Variants in KCNQ5 observed in about 807,000 individuals in gnomAD.
The protein encoded by KCNQ5 is potassium voltage-gated channel subfamily Q member 5.
Under a neutral mutation model 98.2 loss-of-function variants are expected in KCNQ5, and 30 were observed. That is an observed-to-expected ratio of 0.31 (90% CI 0.23 to 0.41). KCNQ5 has a LOEUF of 0.41. KCNQ5 is among the 10% of genes least tolerant of loss of function. The pLI is 1.00. For synonymous variants in KCNQ5, 458 were observed against 449.4 expected (o/e 1.02, Z -0.24); for missense variants, 835 against 1,182.5 (o/e 0.71, Z 4.31).
chr6:72,775,851 G>A (rs1187616885), intron 1 of KCNQ5, among the ~76,000 whole-genome samples: 3 of 152,146 alleles, frequency 2.0e-5, no homozygotes, highest in African/African-American at 7.2e-5. Context: ...AGGAAAGCCT[G>A]AGAACTTGTC....
intron 1 of KCNQ5, among the ~76,000 whole-genome samples, chr6:72,877,167 T>C (rs1778438264): frequency 6.6e-6 from 1 of 152,158 alleles, no homozygotes; most frequent in South Asian, 2.1e-4. Flanking sequence ...ATCTAGGTTT[T>C]AAGCCCCGCA....
intron 3 of KCNQ5, among the ~76,000 whole-genome samples, chr6:73,045,119 T>A (rs1771902977): frequency 6.6e-6 from 1 of 152,158 alleles, no homozygotes; most frequent in South Asian, 2.1e-4. Flanking sequence ...TACTGAAGGT[T>A]TTAGCATGTC....
chr6:73,147,092 C>A (rs140500018), intron 10 of KCNQ5, among the ~76,000 whole-genome samples: 15 of 152,148 alleles, frequency 9.9e-5, no homozygotes, highest in Non-Finnish European at 1.6e-4. Flanking sequence ...CTAGTTCCCC[C>A]ACTAGGTTGG....
At chr6:72,943,893 A>G (rs1766421822) in intron 1 of KCNQ5, among the ~76,000 whole-genome samples, 2 of 152,252 alleles carry the variant, frequency 1.3e-5, no homozygotes, top group Admixed American at 1.3e-4. Flanking sequence ...GTACTCTTCT[A>G]GGATTTAACC....
intron 1 of KCNQ5, among the ~76,000 whole-genome samples, chr6:72,867,970 C>CTAATAA (rs1210863226): frequency 4.5e-4 from 66 of 146,742 alleles, no homozygotes; most frequent in African/African-American, 1.6e-3. Context: ...ACTACTACTA[C>CTAATAA]TAATAATAAT....
chr6:73,112,126 T>C (rs1352947842), intron 7 of KCNQ5, among the ~76,000 whole-genome samples: 1 of 152,126 alleles, frequency 6.6e-6, no homozygotes, highest in African/African-American at 2.4e-5. Context: ...CAAAATATAT[T>C]TTTTGTTAGA....
At chr6:72,728,540 A>T (rs1461869421) in intron 1 of KCNQ5, among the ~76,000 whole-genome samples, 4 of 152,134 alleles carry the variant, frequency 2.6e-5, no homozygotes, top group African/African-American at 9.7e-5. Context: ...AAAAAGGGGG[A>T]CAATGAGAGG....
At chr6:72,978,465 G>A (rs140060953) in intron 1 of KCNQ5, among the ~76,000 whole-genome samples, 2 of 152,216 alleles carry the variant, frequency 1.3e-5, no homozygotes, top group Non-Finnish European at 2.9e-5. Flanking sequence ...ATTTTGACAG[G>A]CCAATATCTA....
intron 5 of KCNQ5, among the ~76,000 whole-genome samples, chr6:73,095,385 A>G (rs1354060750): frequency 6.6e-6 from 1 of 152,122 alleles, no homozygotes; most frequent in Non-Finnish European, 1.5e-5. Context: ...GTGCTCCCTG[A>G]TTAGCTTAAT....
intron 1 of KCNQ5, among the ~76,000 whole-genome samples, chr6:72,911,569 C>G (rs1050509840): frequency 6.6e-6 from 1 of 152,072 alleles, no homozygotes; most frequent in Non-Finnish European, 1.5e-5. Context: ...AGTAGTAAGA[C>G]CAATGCCTAG....
chr6:73,067,863 GATATATAT>G (rs71695883), intron 3 of KCNQ5, among the ~76,000 whole-genome samples: 6 of 4,388 alleles, frequency 1.4e-3, no homozygotes, highest in African/African-American at 1.5e-3. Context: ...TTGGACAAAA[GATATATAT>G]ATATATATAT....
chr6:73,169,898 G>A (rs1246738332), intron 11 of KCNQ5, 44 bp downstream of exon 11: 1 of 1,234,092 alleles, frequency 8.1e-7, no homozygotes, highest in African/African-American at 1.5e-5. Flanking sequence ...ACATACTTAT[G>A]ATTAATTGAA....
At chr6:72,658,578 A>AT (rs1219877866) in intron 1 of KCNQ5, among the ~76,000 whole-genome samples, 1,306 of 76,374 alleles carry the variant, frequency 0.017, 49 homozygotes, top group Non-Finnish European at 0.02. Flanking sequence ...ATATATATAT[A>AT]TTTTTTTTTT....
At chr6:72,667,960 C>T (rs1016605555) in intron 1 of KCNQ5, among the ~76,000 whole-genome samples, 2 of 152,118 alleles carry the variant, frequency 1.3e-5, no homozygotes, top group South Asian at 2.1e-4. Context: ...GGAGATATGA[C>T]GAACAATTAC....
At chr6:73,132,017 A>G (rs529215268) in intron 9 of KCNQ5, among the ~76,000 whole-genome samples, 2 of 152,340 alleles carry the variant, frequency 1.3e-5, no homozygotes, top group South Asian at 4.1e-4. Context: ...GTAAACACAC[A>G]TAAAACGTGG....
At chr6:73,006,187 T>A (rs1468925250) in intron 2 of KCNQ5, among the ~76,000 whole-genome samples, 1 of 152,184 alleles carries the variant, frequency 6.6e-6, no homozygotes, top group Non-Finnish European at 1.5e-5. Context: ...TCTCATTTAT[T>A]ACCTTTTAAC....
chr6:73,191,572 C>CT (rs552507044), intron 12 of KCNQ5, among the ~76,000 whole-genome samples: 4 of 151,966 alleles, frequency 2.6e-5, no homozygotes, highest in African/African-American at 9.7e-5. Context: ...GAGACTTGAA[C>CT]TTTTTTTTAT....
At chr6:72,767,182 T>A (rs1054834601) in intron 1 of KCNQ5, among the ~76,000 whole-genome samples, 2 of 152,010 alleles carry the variant, frequency 1.3e-5, no homozygotes, top group Admixed American at 6.6e-5. Flanking sequence ...TATGTTAAAT[T>A]TAATGTACCT....
chr6:73,188,384 CACA>C (rs1365725781), intron 11 of KCNQ5, among the ~76,000 whole-genome samples: 1 of 152,182 alleles, frequency 6.6e-6, no homozygotes, highest in Admixed American at 6.5e-5. Flanking sequence ...CAAACAACCA[CACA>C]ACAACAGCAA....
Sources: gnomAD v4.1 joint callset for allele counts (sites outside exome capture counted in the v4.1 genomes callset) on GRCh38, gnomAD v4.1.1 for gene constraint, MANE v1.5 for transcripts, NCBI Gene and HGNC (gene_info 2026-07-23, HGNC 2026-07-21) for gene names.